The following DPT variants were observed in gnomAD, a reference collection of about 807,000 sequenced individuals.
The protein encoded by DPT is tyrosine-rich acidic matrix protein.
In DPT, 21 loss-of-function variants were observed where a neutral mutation model predicts 31.2. The observed-to-expected ratio is 0.67, with a 90% confidence interval of 0.48 to 0.97. The LOEUF (loss-of-function observed/expected upper bound fraction) is 0.97, where lower values mean the gene tolerates loss of function less well. DPT is among the 50% of genes least tolerant of loss of function. DPT has a pLI of 0.00. For missense variants in DPT, 262 were observed against 258.8 expected, an observed-to-expected ratio of 1.01 and a Z score of -0.08; for synonymous variants, 91 against 86.9, an observed-to-expected ratio of 1.05 and a Z score of -0.26.
intron 1 of DPT, among the ~76,000 whole-genome samples, chr1:168,723,515 C>G (rs370479465): frequency 1.3e-5 from 2 of 152,306 alleles, no homozygotes; most frequent in Non-Finnish European, 2.9e-5. Context: ...TAAATCACCA[C>G]GTAGATCAGG....
chr1:168,713,549 G>C (rs147841532), intron 2 of DPT, among the ~76,000 whole-genome samples: 1 of 152,106 alleles, frequency 6.6e-6, no homozygotes, highest in Non-Finnish European at 1.5e-5. Context: ...AACCTGGGCC[G>C]GTTGTGTTAT....
intron 2 of DPT, among the ~76,000 whole-genome samples, chr1:168,706,039 T>C (rs891179839): frequency 6.6e-6 from 1 of 152,226 alleles, no homozygotes; most frequent in Non-Finnish European, 1.5e-5. Flanking sequence ...CTTTTGTAAA[T>C]TGCCCAGTCT....
chr1:168,727,002 C>T (rs74902485), intron 1 of DPT, among the ~76,000 whole-genome samples: 2,310 of 152,344 alleles, frequency 0.015, 57 homozygotes, highest in African/African-American at 0.053. Flanking sequence ...TCCGGCTGAG[C>T]CCCTCCACAG....
chr1:168,710,786 C>A (rs1420316025), intron 2 of DPT, among the ~76,000 whole-genome samples: 1 of 152,054 alleles, frequency 6.6e-6, no homozygotes, highest in African/African-American at 2.4e-5. Flanking sequence ...ATCATTAAAA[C>A]AACGGTGGAA....
intron 2 of DPT, among the ~76,000 whole-genome samples, chr1:168,706,679 A>G (rs912844136): frequency 1.3e-5 from 2 of 152,208 alleles, no homozygotes; most frequent in Non-Finnish European, 2.9e-5. Flanking sequence ...CTGTCCTTTT[A>G]TGGCATTTTG....
chr1:168,722,838 T>C (rs1182691962), intron 1 of DPT, among the ~76,000 whole-genome samples: 2 of 122,090 alleles, frequency 1.6e-5, no homozygotes, highest in African/African-American at 7.2e-5. Context: ...TACTTCAAGA[T>C]CCCTCAAAGA....
chr1:168,707,854 C>G (rs896086058), intron 2 of DPT, among the ~76,000 whole-genome samples: 2 of 152,172 alleles, frequency 1.3e-5, no homozygotes, highest in African/African-American at 4.8e-5. Context: ...CTCCCCAGCC[C>G]TGTGGAACTG....
chr1:168,718,060 G>A (rs1230201810), intron 1 of DPT, among the ~76,000 whole-genome samples: 2 of 152,200 alleles, frequency 1.3e-5, no homozygotes, highest in Admixed American at 6.5e-5. Context: ...AGTGCTCTCT[G>A]TGACCTGTTC....
intron 1 of DPT, 86 bp downstream of exon 1, chr1:168,728,784 T>C: frequency 4.0e-6 from 6 of 1,515,284 alleles, no homozygotes; most frequent in Non-Finnish European, 5.4e-6. Flanking sequence ...TGGTTACTGA[T>C]ATTCCTTGAG....
chr1:168,714,134 C>T, intron 2 of DPT, 87 bp downstream of exon 2: 3 of 1,576,130 alleles, frequency 1.9e-6, no homozygotes, highest in Non-Finnish European at 2.6e-6. Context: ...TTGTGTGTGA[C>T]CCTCAAGCTT....
intron 3 of DPT, among the ~76,000 whole-genome samples, chr1:168,697,865 G>C (rs1649498872): frequency 6.6e-6 from 1 of 152,134 alleles, no homozygotes; most frequent in Non-Finnish European, 1.5e-5. Flanking sequence ...TCAAATCTTG[G>C]TCTTTCTCTT....
At chr1:168,726,332 G>A (rs1316321528) in intron 1 of DPT, among the ~76,000 whole-genome samples, 2 of 152,194 alleles carry the variant, frequency 1.3e-5, no homozygotes, top group Admixed American at 6.5e-5. Flanking sequence ...TAGTTTGGGA[G>A]TTCATGACAA....
In DPT at chr1:168,728,966, T is replaced by G; in HGVS notation, c.209A>C (p.Asp70Ala). Residue 70 changes from aspartate (D) to alanine (A), a missense_variant, in exon 1 of 4, where the codon GAC becomes GCC. Physicochemically the swap from Asp to Ala is moderately radical, Grantham distance 126 (BLOSUM62 -2). Transcript: ENST00000367817. ...CATGCAGGCGTAGTTCCATTGTCTGTCAGAACCTTCCTTCTTGCTGAAGAT... is the reference window on the plus strand; with the variant it reads ...CATGCAGGCGTAGTTCCATTGTCTGGCAGAACCTTCCTTCTTGCTGAAGAT... ...RSIFSKKEGSDRQWNYACMPT... is the reference protein window; with the variant it reads ...RSIFSKKEGSARQWNYACMPT... 1 of 1,614,178 alleles carries G rather than the reference T, an allele frequency of 6.2e-7. No homozygotes were observed. The highest frequency in any genetic ancestry group is 8.5e-7 in the Non-Finnish European group (1 of 1,180,034).
In DPT at chr1:168,708,786, G is replaced by C. The variant is rs536455703; in HGVS notation, c.431+5435C>G. Reference sequence around the variant, plus strand: ...CATATGACAGGCACAGCAATGCAGAGGCCTGTGAGATTGTTCATGTCCCTA... The same window carrying C: ...CATATGACAGGCACAGCAATGCAGACGCCTGTGAGATTGTTCATGTCCCTA... On this transcript the variant is annotated intron_variant, in intron 2 of 3. Coordinates refer to ENST00000367817, the MANE Select transcript of DPT (RefSeq NM_001937.5). Among the ~76,000 whole-genome samples the C allele has an allele frequency of 1.1e-4, 17 of 152,304 alleles. No homozygotes were observed. In the East Asian group the frequency reaches 2.1e-3, roughly 19 times the overall value.
At chr1:168,712,231 A>G (rs1649883363) in intron 2 of DPT, among the ~76,000 whole-genome samples, 1 of 152,156 alleles carries the variant, frequency 6.6e-6, no homozygotes, top group African/African-American at 2.4e-5. Flanking sequence ...GCATCTACGA[A>G]GGGCAGAGAG....
intron 2 of DPT, among the ~76,000 whole-genome samples, chr1:168,710,360 T>C (rs1021568677): frequency 6.6e-6 from 1 of 152,232 alleles, no homozygotes; most frequent in African/African-American, 2.4e-5. Flanking sequence ...TGACTTGTCA[T>C]GCCTTTTGGA....
At position 168,717,673 on chromosome 1, in the gene DPT, G is replaced by A. The variant is rs1034019656; in HGVS notation, c.306-3327C>T. On this transcript the variant is annotated intron_variant, in intron 1 of 3. Coordinates refer to ENST00000367817, the MANE Select transcript of DPT (RefSeq NM_001937.5). ...TGGTGTTGTCTAGGTTTTCTTCTGG[G>A]GTTTTTATGGTTTTGGGTTTTTACC... Among the ~76,000 whole-genome samples, 8 of 151,956 alleles carry A rather than the reference G, an allele frequency of 5.3e-5. 1 individual carries two copies. Among genetic ancestry groups the A allele is most frequent in the Admixed American group, 3.9e-4 (6 of 15,252 alleles).
intron 1 of DPT, among the ~76,000 whole-genome samples, chr1:168,726,604 G>A (rs942661730): frequency 6.6e-6 from 1 of 152,254 alleles, no homozygotes; most frequent in Admixed American, 6.5e-5. Flanking sequence ...TCCTGATTCA[G>A]AGCCTAGGGC....
At chr1:168,712,821 C>T (rs1649896830) in intron 2 of DPT, among the ~76,000 whole-genome samples, 1 of 152,302 alleles carries the variant, frequency 6.6e-6, no homozygotes, top group Admixed American at 6.5e-5. Context: ...GAATGGCCTT[C>T]AGGGAGTTTA....
Sources: allele counts gnomAD v4.1 joint callset (sites outside exome capture counted in the v4.1 genomes callset), GRCh38; gene constraint gnomAD v4.1.1; transcripts MANE v1.5; gene names NCBI Gene and HGNC (gene_info 2026-07-23, HGNC 2026-07-21).